Variants in RTN3 observed in about 807,000 individuals in gnomAD.
RTN3 encodes reticulon-3.
In RTN3, 49 loss-of-function variants were observed where a neutral mutation model predicts 77.8. That is an observed-to-expected ratio of 0.63 (90% CI 0.50 to 0.80). The LOEUF (loss-of-function observed/expected upper bound fraction) is 0.80. Ranked by LOEUF, RTN3 falls within the 30% of genes least tolerant of loss-of-function variation. The pLI, the probability that RTN3 is intolerant of heterozygous loss-of-function variation, is 0.00. For missense variants in RTN3, 1,236 were observed against 1,211.9 expected (o/e 1.02, Z -0.29); for synonymous variants, 464 against 446.9 (o/e 1.04, Z -0.48).
At chr11:63,744,865 G>A (rs1424876313) in intron 3 of RTN3, among the ~76,000 whole-genome samples, 6 of 152,146 alleles carry the variant, frequency 3.9e-5, no homozygotes, top group African/African-American at 7.2e-5. Context: ...GGTGGTGCAC[G>A]CCTATAGTCC....
chr11:63,682,116 T>G (rs1328639336), intron 1 of RTN3, among the ~76,000 whole-genome samples: 2 of 152,010 alleles, frequency 1.3e-5, no homozygotes, highest in Non-Finnish European at 2.9e-5. Context: ...GGTGATTTAG[T>G]GAGGATTAGA....
rs2014576663 is a variant in RTN3, at chr11:63,759,804, T to TA, written c.*1604dup. 6.6e-6 allele frequency: 1 copy of TA among 151,298 alleles called. No individual in the cohort carries two copies. Among genetic ancestry groups the TA allele is most frequent in the Admixed American group, 6.6e-5 (1 of 15,106 alleles). The allele number at this position is 151,298 out of a possible 1,614,324, so 9.4% of individuals were successfully genotyped here. ...CGTGTCTGTGCGTGCAACATAAAAATACAGTAGCACCTAAGGAGCTTGAAT... is the reference window on the plus strand; with the variant it reads ...CGTGTCTGTGCGTGCAACATAAAAATAACAGTAGCACCTAAGGAGCTTGAAT... On this transcript the variant is annotated 3_prime_UTR_variant, in exon 9 of 9. Coordinates refer to ENST00000377819, the MANE Select transcript of RTN3 (RefSeq NM_001265589.2).
intron 2 of RTN3, chr11:63,714,260 T>C: frequency 2.9e-6 from 1 of 347,408 alleles, no homozygotes; most frequent in Non-Finnish European, 5.7e-6. Flanking sequence ...GATGCTACCT[T>C]ATTTTTCTAC....
Position 63,702,648 on chromosome 11 carries a change from C to CT in RTN3, c.143-2198dup, listed in dbSNP as rs377101820. ...TTACTTAACAAATGGGAGCACACTG[C>CT]TTTTTAAGCACACTGCACTTTGTTT... On this transcript the variant is annotated intron_variant, in intron 1 of 8. Transcript: ENST00000377819. 2.7e-3 allele frequency among the ~76,000 whole-genome samples: 388 copies of CT among 144,308 alleles called. 1 individual carries two copies. The highest frequency in any genetic ancestry group is 9.4e-3 in the African/African-American group (366 of 39,058). 94.7% of individuals were successfully genotyped at this position (144,308 alleles called of 152,430 possible).
intron 3 of RTN3, among the ~76,000 whole-genome samples, chr11:63,739,554 G>T (rs1369755595): frequency 6.6e-6 from 1 of 152,204 alleles, no homozygotes; most frequent in Non-Finnish European, 1.5e-5. Flanking sequence ...TTCCCTGTCT[G>T]TATCAGTGGC....
intron 3 of RTN3, among the ~76,000 whole-genome samples, chr11:63,733,193 C>T (rs2012818034): frequency 6.6e-6 from 1 of 151,946 alleles, no homozygotes; most frequent in Non-Finnish European, 1.5e-5. Context: ...GTGGCTCACG[C>T]CTGTAATCCC....
intron 3 of RTN3, among the ~76,000 whole-genome samples, chr11:63,749,614 T>C (rs185302710): frequency 6.6e-6 from 1 of 152,356 alleles, no homozygotes; most frequent in African/African-American, 2.4e-5. Flanking sequence ...TGTATTTCCA[T>C]AGCTGAAATA....
chr11:63,682,843 A>G lies in RTN3; in HGVS notation c.142+1065A>G, dbSNP rs191760382. On this transcript the variant is annotated intron_variant, in intron 1 of 8. Transcript: ENST00000377819. ...AGTGCAGATGCCTTCTTAAGGGGGG[A>G]AAAAAAAACCACCATGGGCAGGTGG... Among the ~76,000 whole-genome samples, 34 of 151,038 alleles carry G rather than the reference A, an allele frequency of 2.3e-4. No homozygotes were observed. The East Asian group carries it at 3.5e-3, about 16-fold the overall frequency.
intron 1 of RTN3, 57 bp downstream of exon 1, chr11:63,681,835 C>A (rs1271639302): frequency 1.4e-6 from 2 of 1,462,702 alleles, no homozygotes; most frequent in East Asian, 5.4e-5. Context: ...AGCCTGGGGG[C>A]TGGGGGGATT....
At chr11:63,713,197 A>C (rs2134777704) in intron 2 of RTN3, among the ~76,000 whole-genome samples, 1 of 152,334 alleles carries the variant, frequency 6.6e-6, no homozygotes, top group African/African-American at 2.4e-5. Flanking sequence ...AATATATCTC[A>C]GTGGAGTATT....
intron 2 of RTN3, among the ~76,000 whole-genome samples, chr11:63,712,326 T>G (rs1010511093): frequency 1.5e-4 from 23 of 152,262 alleles, no homozygotes; most frequent in African/African-American, 4.8e-4. Context: ...TTATTGGGGA[T>G]TTACTAAGTG....
intron 1 of RTN3, among the ~76,000 whole-genome samples, chr11:63,685,515 T>C (rs2134608954): frequency 8.2e-6 from 1 of 122,214 alleles, no homozygotes; most frequent in East Asian, 2.0e-4. Flanking sequence ...AAAAAGTTAC[T>C]GCAATGTGTT....
At chr11:63,748,928 A>T (rs935845058) in intron 3 of RTN3, among the ~76,000 whole-genome samples, 4 of 151,882 alleles carry the variant, frequency 2.6e-5, no homozygotes, top group African/African-American at 9.7e-5. Context: ...TTGGTCTCCC[A>T]AAGTGCCAGG....
Position 63,719,186 on chromosome 11 carries a change from G to A in RTN3, c.684G>A (p.Leu228=). ...TAGAAGGCATTTATACATATTCTTT[G>A]TCTCCATCCAAAGTTTCAGGAGATG... ...SKVEGIYTYS[L]SPSKVSGDDV... The change falls in exon 3 of 9, where the codon TTG becomes TTA. Residue 228 remains leucine, a synonymous_variant. Transcript: ENST00000377819. The A allele has an allele frequency of 1.2e-6, 2 of 1,614,126 alleles. No homozygotes were observed. Among genetic ancestry groups the A allele is most frequent in the Non-Finnish European group, 8.5e-7 (1 of 1,180,022 alleles).
At chr11:63,708,858 A>G (rs969827394) in intron 2 of RTN3, among the ~76,000 whole-genome samples, 1 of 152,206 alleles carries the variant, frequency 6.6e-6, no homozygotes, top group African/African-American at 2.4e-5. Context: ...CATTTTAATG[A>G]TGTTTTCCTG....
intron 2 of RTN3, among the ~76,000 whole-genome samples, chr11:63,716,722 T>G (rs192949055): frequency 6.6e-6 from 1 of 152,044 alleles, no homozygotes; most frequent in African/African-American, 2.4e-5. Flanking sequence ...TCCCAGCTCT[T>G]TGGGAGGCCG....
At chr11:63,689,923 A>G (rs570679539) in intron 1 of RTN3, among the ~76,000 whole-genome samples, 1 of 151,818 alleles carries the variant, frequency 6.6e-6, no homozygotes, top group East Asian at 1.9e-4. Context: ...ATGCCCAGCT[A>G]ATTTTTGTAT....
intron 3 of RTN3, among the ~76,000 whole-genome samples, chr11:63,732,452 G>A (rs1017780165): frequency 2.0e-5 from 3 of 151,534 alleles, no homozygotes; most frequent in Admixed American, 2.0e-4. Flanking sequence ...TGAGGTTATA[G>A]GTGTGAGCCA....
At chr11:63,695,970 C>T (rs1038642858) in intron 1 of RTN3, among the ~76,000 whole-genome samples, 2 of 152,006 alleles carry the variant, frequency 1.3e-5, no homozygotes, top group East Asian at 1.9e-4. Flanking sequence ...TATTAGAATA[C>T]GATGAACATC....
Sources: gnomAD v4.1 joint callset for allele counts (sites outside exome capture counted in the v4.1 genomes callset) on GRCh38, gnomAD v4.1.1 for gene constraint, MANE v1.5 for transcripts, NCBI Gene and HGNC (gene_info 2026-07-23, HGNC 2026-07-21) for gene names.